Variants in SPAG16 observed in about 807,000 individuals in gnomAD.
The protein encoded by SPAG16 is sperm associated antigen 16, also known as sperm-associated antigen 16 protein.
In SPAG16, 86 loss-of-function variants were observed where a neutral mutation model predicts 80.4. That is an observed-to-expected ratio of 1.07 (90% CI 0.90 to 1.28). The LOEUF is 1.28. SPAG16 is among the 50% of genes most tolerant of loss of function. The pLI is 0.00. For synonymous variants in SPAG16, 294 were observed against 265.9 expected (o/e 1.11, Z -1.03); for missense variants, 870 against 765.3 (o/e 1.14, Z -1.61).
intron 13 of SPAG16, among the ~76,000 whole-genome samples, chr2:214,061,387 A>G (rs1168874889): frequency 6.6e-6 from 1 of 152,204 alleles, no homozygotes; most frequent in East Asian, 1.9e-4. Flanking sequence ...TTCCAGAGAT[A>G]TAGAACCAAT....
At chr2:213,700,617 A>AT (rs2065364530) in intron 10 of SPAG16, among the ~76,000 whole-genome samples, 1 of 152,134 alleles carries the variant, frequency 6.6e-6, no homozygotes, top group Admixed American at 6.5e-5. Context: ...TTTCTCAGTA[A>AT]TTCTCTCACT....
chr2:213,391,728 G>C (rs1195701999), intron 9 of SPAG16, among the ~76,000 whole-genome samples: 3 of 152,152 alleles, frequency 2.0e-5, no homozygotes, highest in African/African-American at 7.2e-5. Flanking sequence ...TTTTAAGTGT[G>C]ACATAAGTTA....
At chr2:214,042,129 A>T (rs919891605) in intron 13 of SPAG16, among the ~76,000 whole-genome samples, 1 of 149,510 alleles carries the variant, frequency 6.7e-6, no homozygotes, top group African/African-American at 2.5e-5. Context: ...TCTGTTGCCC[A>T]GACTGAAGTG....
chr2:214,166,391 T>C (rs1220949981), intron 15 of SPAG16, among the ~76,000 whole-genome samples: 1 of 152,076 alleles, frequency 6.6e-6, no homozygotes, highest in Non-Finnish European at 1.5e-5. Context: ...GAGAGGGAGA[T>C]TGGAGCATCT....
At chr2:214,371,897 T>TCCAA (rs1433358567) in intron 15 of SPAG16, among the ~76,000 whole-genome samples, 9 of 151,950 alleles carry the variant, frequency 5.9e-5, no homozygotes, top group Non-Finnish European at 1.3e-4. Flanking sequence ...GCCAGGCTGG[T>TCCAA]CTCCAACTCC....
At chr2:214,173,799 T>C (rs1392945923) in intron 15 of SPAG16, among the ~76,000 whole-genome samples, 1 of 151,988 alleles carries the variant, frequency 6.6e-6, no homozygotes, top group Non-Finnish European at 1.5e-5. Context: ...CCAATATCCT[T>C]GATGAACATT....
chr2:213,585,682 T>C (rs1193090526), intron 10 of SPAG16, among the ~76,000 whole-genome samples: 2 of 152,208 alleles, frequency 1.3e-5, no homozygotes, highest in African/African-American at 2.4e-5. Context: ...AGCAAGCATT[T>C]TTTTTGCATT....
intron 14 of SPAG16, among the ~76,000 whole-genome samples, chr2:214,145,949 C>A (rs2055617260): frequency 6.6e-6 from 1 of 152,118 alleles, no homozygotes; most frequent in Non-Finnish European, 1.5e-5. Context: ...ACAATCATAG[C>A]TCTCAATCTG....
chr2:213,845,109 C>G (rs2074545995), intron 10 of SPAG16, among the ~76,000 whole-genome samples: 1 of 151,888 alleles, frequency 6.6e-6, no homozygotes, highest in African/African-American at 2.4e-5. Flanking sequence ...AATACTTTCT[C>G]CTGAGAAAAT....
intron 10 of SPAG16, among the ~76,000 whole-genome samples, chr2:213,579,204 T>C (rs2060222472): frequency 6.6e-6 from 1 of 152,136 alleles, no homozygotes; most frequent in Admixed American, 6.6e-5. Flanking sequence ...TTTATAACTT[T>C]TGTAATGTAA....
chr2:214,385,387 A>C (rs1274116079), intron 15 of SPAG16, among the ~76,000 whole-genome samples: 1 of 152,244 alleles, frequency 6.6e-6, no homozygotes, highest in Non-Finnish European at 1.5e-5. Context: ...TATCTCATTT[A>C]AACCACATGC....
chr2:214,319,134 C>T (rs770879857), intron 15 of SPAG16, among the ~76,000 whole-genome samples: 2 of 151,320 alleles, frequency 1.3e-5, no homozygotes, highest in Non-Finnish European at 2.9e-5. Flanking sequence ...GAGAAAAGGA[C>T]TGCTCTACCT....
chr2:213,910,421 G>T (rs899843750), intron 11 of SPAG16, among the ~76,000 whole-genome samples: 2 of 151,298 alleles, frequency 1.3e-5, no homozygotes, highest in African/African-American at 2.4e-5. Context: ...GATAACAAGA[G>T]AATTTTTACA....
At chr2:213,670,642 T>G (rs16850672) in intron 10 of SPAG16, among the ~76,000 whole-genome samples, 7,561 of 152,242 alleles carry the variant, frequency 0.05, 601 homozygotes, top group African/African-American at 0.17. Flanking sequence ...TTTCATGTAC[T>G]GATAGTATAT....
intron 9 of SPAG16, among the ~76,000 whole-genome samples, chr2:213,477,061 C>G (rs981805627): frequency 1.3e-5 from 2 of 152,026 alleles, no homozygotes; most frequent in African/African-American, 4.8e-5. Context: ...GCTGATTGGT[C>G]CATGGGTGGG....
chr2:214,061,762 T>C (rs151317322), intron 13 of SPAG16, among the ~76,000 whole-genome samples: 15 of 152,192 alleles, frequency 9.9e-5, no homozygotes, highest in African/African-American at 3.4e-4. Flanking sequence ...CCATACTCAG[T>C]ATTTTACAGT....
At chr2:214,301,028 TATAATAATA>T (rs71037363) in intron 15 of SPAG16, among the ~76,000 whole-genome samples, 10,499 of 141,802 alleles carry the variant, frequency 0.074, 456 homozygotes, top group African/African-American at 0.12. Flanking sequence ...AAACTTAAAG[TATAATAATA>T]ATAATAATAA....
intron 12 of SPAG16, among the ~76,000 whole-genome samples, chr2:213,963,548 A>G (rs957298437): frequency 3.1e-4 from 47 of 152,138 alleles, no homozygotes; most frequent in African/African-American, 1.1e-3. Context: ...AGTTCTAGAT[A>G]GTTTATAATG....
intron 15 of SPAG16, among the ~76,000 whole-genome samples, chr2:214,318,373 C>CTTTTTTTT (rs34923875): frequency 2.9e-5 from 2 of 69,804 alleles, no homozygotes; most frequent in Admixed American, 1.9e-4. Flanking sequence ...AGAGTGAATT[C>CTTTTTTTT]TTTTTTTTTT....
Sources: allele counts gnomAD v4.1 joint callset (sites outside exome capture counted in the v4.1 genomes callset), GRCh38; gene constraint gnomAD v4.1.1; transcripts MANE v1.5; gene names NCBI Gene and HGNC (gene_info 2026-07-23, HGNC 2026-07-21).